The following FRMPD4 variants were observed in gnomAD, a reference collection of about 807,000 sequenced individuals.
The protein encoded by FRMPD4 is FERM and PDZ domain-containing protein 4.
FRMPD4 carries 22 observed loss-of-function variants against 94.1 expected under a neutral mutation model. That is an observed-to-expected ratio of 0.23 (90% CI 0.17 to 0.33). The LOEUF is 0.33. FRMPD4 is among the 10% of genes least tolerant of loss of function. The probability of loss-of-function intolerance (pLI) is 1.00; values close to 1 mark genes in which losing one functional copy is unlikely to be tolerated. For missense variants in FRMPD4, 1,111 were observed against 1,339.9 expected, an observed-to-expected ratio of 0.83 and a Z score of 2.67; for synonymous variants, 631 against 548.6, an observed-to-expected ratio of 1.15 and a Z score of -2.10.
chrX:12,425,527 A>G (rs2056935758), intron 1 of FRMPD4, among the ~76,000 whole-genome samples: 1 of 111,975 alleles, frequency 8.9e-6, no homozygotes, highest in Non-Finnish European at 1.9e-5. Context: ...CCCTGATAAG[A>G]TAACAGCTGG....
At chrX:12,351,453 C>T (rs1450497405) in intron 1 of FRMPD4, among the ~76,000 whole-genome samples, 1 of 111,564 alleles carries the variant, frequency 9.0e-6, no homozygotes, top group Non-Finnish European at 1.9e-5. Context: ...TGGGGGACAA[C>T]CTAGTGACAA....
intron 3 of FRMPD4, among the ~76,000 whole-genome samples, chrX:12,067,611 T>C (rs981654846): frequency 3.7e-5 from 4 of 109,110 alleles, no homozygotes; most frequent in African/African-American, 1.3e-4. Flanking sequence ...AGAGACGGGG[T>C]TTCATCATGT....
chrX:12,671,515 C>A (rs2055753556), intron 4 of FRMPD4, among the ~76,000 whole-genome samples: 1 of 110,434 alleles, frequency 9.1e-6, no homozygotes, highest in Non-Finnish European at 1.9e-5. Context: ...TGTTATCACT[C>A]ATAAGTGGGA....
intron 2 of FRMPD4, among the ~76,000 whole-genome samples, chrX:12,535,392 A>G (rs1262991744): frequency 8.9e-6 from 1 of 111,992 alleles, no homozygotes; most frequent in Admixed American, 9.4e-5. Context: ...CTGAGTGAGG[A>G]GATAATAAAG....
intron 3 of FRMPD4, among the ~76,000 whole-genome samples, chrX:11,965,104 C>T (rs376285704): frequency 3.6e-5 from 4 of 112,521 alleles, no homozygotes; most frequent in South Asian, 3.7e-4. Flanking sequence ...ACCTGATTAG[C>T]GAATTTGATC....
intron 1 of FRMPD4, among the ~76,000 whole-genome samples, chrX:12,169,695 A>T (rs1199297173): frequency 8.9e-6 from 1 of 112,474 alleles, no homozygotes; most frequent in Non-Finnish European, 1.9e-5. Context: ...TACCAAACTC[A>T]TAGACTTTTA....
chrX:12,475,516 T>A (rs973919794), intron 1 of FRMPD4, among the ~76,000 whole-genome samples: 2 of 111,674 alleles, frequency 1.8e-5, no homozygotes, highest in African/African-American at 6.5e-5. Flanking sequence ...AAAGAGGAAG[T>A]CAAATTGTCC....
At chrX:12,080,634 C>T (rs1411210223) in intron 3 of FRMPD4, among the ~76,000 whole-genome samples, 23 of 111,868 alleles carry the variant, frequency 2.1e-4, no homozygotes, top group Admixed American at 9.5e-5. Flanking sequence ...AATATCAGCA[C>T]CTGTAGAAGG....
At chrX:12,663,252 T>G (rs1207104466) in intron 4 of FRMPD4, among the ~76,000 whole-genome samples, 1 of 112,447 alleles carries the variant, frequency 8.9e-6, no homozygotes, top group Non-Finnish European at 1.9e-5. Context: ...TTTTTGTGTT[T>G]TAGCCATGCA....
intron 3 of FRMPD4, among the ~76,000 whole-genome samples, chrX:12,079,991 T>G (rs2055049583): frequency 8.9e-6 from 1 of 112,443 alleles, no homozygotes; most frequent in African/African-American, 3.2e-5. Flanking sequence ...AGAAATTAAG[T>G]TTTTACATTT....
chrX:12,036,864 G>A (rs1227609997), intron 3 of FRMPD4, among the ~76,000 whole-genome samples: 1 of 111,942 alleles, frequency 8.9e-6, no homozygotes, highest in African/African-American at 3.2e-5. Flanking sequence ...TTCTAAAACA[G>A]CCATCCAGAT....
chrX:12,030,860 C>G (rs761102221), intron 3 of FRMPD4, among the ~76,000 whole-genome samples: 1 of 112,005 alleles, frequency 8.9e-6, no homozygotes, highest in Admixed American at 9.5e-5. Flanking sequence ...ACCCCTCACC[C>G]CAAACCCAAC....
intron 2 of FRMPD4, among the ~76,000 whole-genome samples, chrX:12,545,213 T>C (rs767398251): frequency 1.0e-3 from 108 of 107,092 alleles, no homozygotes; most frequent in African/African-American, 3.6e-3. Flanking sequence ...GCTTCGAATG[T>C]GGCCCAACAC....
At chrX:12,716,001 T>TGGGGGGCCCCC in intron 14 of FRMPD4, 68 bp from the exon 15 acceptor site, 1 of 231,655 alleles carries the variant, frequency 4.3e-6, no homozygotes, top group East Asian at 8.5e-5. Flanking sequence ...GAGACGAGCC[T>TGGGGGGCCCCC]CCCACCCCCG....
At chrX:12,432,810 A>C (rs1376379047) in intron 1 of FRMPD4, among the ~76,000 whole-genome samples, 1 of 112,326 alleles carries the variant, frequency 8.9e-6, no homozygotes, top group Non-Finnish European at 1.9e-5. Context: ...TATGTTGCCC[A>C]GGCTGGTCTC....
intron 3 of FRMPD4, among the ~76,000 whole-genome samples, chrX:12,080,822 A>G (rs765416048): frequency 2.4e-3 from 271 of 112,224 alleles, no homozygotes; most frequent in Non-Finnish European, 3.9e-3. Flanking sequence ...CAATACTGTC[A>G]TATGTTTCTT....
intron 1 of FRMPD4, among the ~76,000 whole-genome samples, chrX:12,331,820 A>ATATATAAATTATATATATTTATATACTG (rs2055402834): frequency 5.0e-4 from 10 of 20,187 alleles, no homozygotes; most frequent in Non-Finnish European, 8.2e-4. Context: ...TTTATATACT[A>ATATATAAATTATATATATTTATATACTG]TATATAAATT....
At chrX:12,263,802 A>AT (rs1401306057) in intron 1 of FRMPD4, among the ~76,000 whole-genome samples, 2 of 110,056 alleles carry the variant, frequency 1.8e-5, no homozygotes, top group South Asian at 3.9e-4. Flanking sequence ...AAAAAAAAAA[A>AT]TTTTTCACAG....
intron 3 of FRMPD4, among the ~76,000 whole-genome samples, chrX:12,103,249 G>C (rs993063824): frequency 1.3e-4 from 15 of 111,880 alleles, no homozygotes; most frequent in African/African-American, 1.3e-4. Flanking sequence ...ACATAGAAAA[G>C]TGCCTGGTGT....
Sources: allele counts gnomAD v4.1 joint callset (sites outside exome capture counted in the v4.1 genomes callset), GRCh38; gene constraint gnomAD v4.1.1; transcripts MANE v1.5; gene names NCBI Gene and HGNC (gene_info 2026-07-23, HGNC 2026-07-21).